GRXCR2: variants seen among roughly 807,000 people sequenced by gnomAD.
GRXCR2 encodes the protein glutaredoxin domain-containing cysteine-rich protein 2.
In GRXCR2, 23 loss-of-function variants were observed where a neutral mutation model predicts 24.8. The observed-to-expected ratio is 0.93, with a 90% confidence interval of 0.67 to 1.32. GRXCR2 has a LOEUF of 1.32. GRXCR2 is among the 40% of genes most tolerant of loss of function. The probability of loss-of-function intolerance (pLI) is 0.00; values close to 1 mark genes in which losing one functional copy is unlikely to be tolerated. For missense variants in GRXCR2, 315 were observed against 303.4 expected (o/e 1.04, Z -0.28); for synonymous variants, 130 against 116.1 (o/e 1.12, Z -0.77).
rs548391981 is a variant in GRXCR2 at position 145,858,667 on chromosome 5, A to C, written c.*1066T>G. ...AATCAAAATTATTATCACAGAATGC[A>C]GCAGGTCTCAAGAGATAAATTTTGC... On this transcript the variant is annotated 3_prime_UTR_variant, in exon 3 of 3. Transcript: ENST00000377976. The C allele has an allele frequency of 6.6e-6, 1 of 152,358 alleles. No homozygotes were observed. The highest frequency in any genetic ancestry group is 1.9e-4 in the East Asian group (1 of 5,194). 9.4% of individuals were successfully genotyped at this position (152,358 alleles called of 1,614,324 possible).
At chr5:145,891,292 C>T (rs1160809890) in intron 2 of GRXCR2, among the ~76,000 whole-genome samples, 1 of 152,102 alleles carries the variant, frequency 6.6e-6, no homozygotes, top group African/African-American at 2.4e-5. Flanking sequence ...GGGTGCAGGA[C>T]AGTGGGTTCA....
intron 2 of GRXCR2, among the ~76,000 whole-genome samples, chr5:145,905,753 G>A (rs906045784): frequency 2.0e-5 from 3 of 152,178 alleles, no homozygotes; most frequent in Non-Finnish European, 4.4e-5. Context: ...ATGCATAGAG[G>A]AGGCAAAATG....
intron 2 of GRXCR2, among the ~76,000 whole-genome samples, chr5:145,915,281 G>A (rs1403124396): frequency 6.6e-6 from 1 of 152,130 alleles, no homozygotes; most frequent in Non-Finnish European, 1.5e-5. Flanking sequence ...GTTATTTTTG[G>A]GTAGTGTTAA....
chr5:145,913,775 A>T (rs1055024699), intron 2 of GRXCR2, among the ~76,000 whole-genome samples: 2 of 152,146 alleles, frequency 1.3e-5, no homozygotes, highest in Non-Finnish European at 2.9e-5. Context: ...CGTCTGCTTC[A>T]GCTTCCCAAA....
At chr5:145,864,657 GA>G (rs1359880060) in intron 2 of GRXCR2, among the ~76,000 whole-genome samples, 15 of 152,062 alleles carry the variant, frequency 9.9e-5, no homozygotes, top group Non-Finnish European at 2.2e-4. Context: ...TGCCATGTAA[GA>G]TGTGCCTTGC....
In GRXCR2 at chr5:145,903,018, C is replaced by T. The variant is rs554296297; in HGVS notation, c.-70+32683G>A. Among the ~76,000 whole-genome samples, 7 of 152,286 alleles carry T rather than the reference C, an allele frequency of 4.6e-5. No homozygotes were observed. In the South Asian group the frequency reaches 1.5e-3, roughly 32 times the overall value. ...GCAGCTTTTAAATAAAAATCAACTC[C>T]TACATATCCCTATGATTTTTTGCCT... is the stretch of plus-strand genomic sequence containing the variant. On this transcript the variant is annotated intron_variant, in intron 2 of 3. Transcript: ENST00000639411.
chr5:145,878,887 A>G (rs1321380563), intron 2 of GRXCR2, among the ~76,000 whole-genome samples: 2 of 152,194 alleles, frequency 1.3e-5, no homozygotes, highest in African/African-American at 4.8e-5. Context: ...AGTGGGGGCC[A>G]ATATTCAACA....
intron 2 of GRXCR2, among the ~76,000 whole-genome samples, chr5:145,911,714 G>A (rs571037331): frequency 9.4e-4 from 143 of 152,244 alleles, no homozygotes; most frequent in African/African-American, 3.3e-3. Flanking sequence ...AATTCGTTCA[G>A]AAGGGACACA....
chr5:145,872,738 G>A lies in GRXCR2; in HGVS notation c.231C>T (p.Ser77=), dbSNP rs765884739. Residue 77 remains serine (S), a synonymous_variant, in exon 1 of 3, where the codon TCC becomes TCT. Transcript: ENST00000377976. ...SGEVPRPQMC[S]PKLTAQRISV... is the part of the protein sequence containing the mutation. ...TGATCCTCTGAGCAGTCAGCTTAGG[G>A]GAGCACATCTGGGGCCTGGGGACTT... 9.3e-6 allele frequency: 15 copies of A among 1,614,018 alleles called. No individual in the cohort carries two copies. In the South Asian group the frequency reaches 1.5e-4, roughly 17 times the overall value.
intron 1 of GRXCR2, among the ~76,000 whole-genome samples, chr5:145,871,372 G>A (rs1241361984): frequency 1.3e-5 from 2 of 152,272 alleles, no homozygotes; most frequent in African/African-American, 4.8e-5. Context: ...AGCATCAGAA[G>A]ATCTGGATTC....
At chr5:145,927,441 G>C (rs4554290) in intron 2 of GRXCR2, among the ~76,000 whole-genome samples, 4 of 152,028 alleles carry the variant, frequency 2.6e-5, no homozygotes, top group African/African-American at 9.7e-5. Context: ...AGCATGAAGC[G>C]TTGTTGAATT....
chr5:145,911,792 T>C (rs73792724), intron 2 of GRXCR2, among the ~76,000 whole-genome samples: 2,064 of 152,290 alleles, frequency 0.014, 57 homozygotes, highest in African/African-American at 0.047. Context: ...TGGCCTCCTC[T>C]AAATAGGTTC....
chr5:145,924,929 T>C lies in GRXCR2; in HGVS notation c.-70+10772A>G, dbSNP rs147994771. Among the ~76,000 whole-genome samples the C allele has an allele frequency of 3.8e-3, 583 of 152,268 alleles. 3 individuals are homozygous for C. The highest frequency in any genetic ancestry group is 7.3e-3 in the Admixed American group (111 of 15,280). On this transcript the variant is annotated intron_variant, in intron 2 of 3. Transcript: ENST00000639411. ...AAATGGCCAAATCAGAATAAATAAC[T>C]GCTTCAGGAAGAGAAGCCAGCAGTT... is the stretch of plus-strand genomic sequence containing the variant.
chr5:145,888,813 G>T (rs1756813429), intron 2 of GRXCR2, among the ~76,000 whole-genome samples: 1 of 152,102 alleles, frequency 6.6e-6, no homozygotes, highest in Non-Finnish European at 1.5e-5. Flanking sequence ...TACACTCTGT[G>T]TGTGTATAGC....
At chr5:145,908,384 C>T (rs976782777) in intron 2 of GRXCR2, among the ~76,000 whole-genome samples, 1 of 152,038 alleles carries the variant, frequency 6.6e-6, no homozygotes, top group Non-Finnish European at 1.5e-5. Context: ...CAAGGAGGAG[C>T]AAGGCAGGCA....
chr5:145,887,056 C>A (rs1025510686), intron 2 of GRXCR2, among the ~76,000 whole-genome samples: 1 of 152,142 alleles, frequency 6.6e-6, no homozygotes. Context: ...CTGAACTGAT[C>A]ATCAATTTTA....
chr5:145,882,595 A>G (rs1237660890), intron 2 of GRXCR2, among the ~76,000 whole-genome samples: 1 of 152,186 alleles, frequency 6.6e-6, no homozygotes, highest in Non-Finnish European at 1.5e-5. Context: ...TAGTTCAACC[A>G]TTGTGGAAGA....
chr5:145,864,052 AGT>A (rs1756386745), intron 2 of GRXCR2, among the ~76,000 whole-genome samples: 2 of 152,170 alleles, frequency 1.3e-5, no homozygotes, highest in Admixed American at 1.3e-4. Context: ...CACAAACTAA[AGT>A]AAGATTGCAA....
intron 2 of GRXCR2, among the ~76,000 whole-genome samples, chr5:145,882,774 A>G (rs1756721541): frequency 6.6e-6 from 1 of 152,144 alleles, no homozygotes; most frequent in Non-Finnish European, 1.5e-5. Context: ...AACCAACCCA[A>G]ATGTCCATCA....
Sources: allele counts gnomAD v4.1 joint callset (sites outside exome capture counted in the v4.1 genomes callset), GRCh38; gene constraint gnomAD v4.1.1; transcripts MANE v1.5; gene names NCBI Gene and HGNC (gene_info 2026-07-23, HGNC 2026-07-21).